Variants in KIF26B observed in about 807,000 individuals in gnomAD.
KIF26B encodes kinesin family member 26B, also known as kinesin-like protein KIF26B.
KIF26B carries 63 observed loss-of-function variants against 151.2 expected under a neutral mutation model. The observed-to-expected ratio is 0.42, with a 90% CI of 0.34 to 0.51. The LOEUF (loss-of-function observed/expected upper bound fraction) is 0.51, where lower values mean the gene tolerates loss of function less well. Among genes scored for constraint, KIF26B ranks in the 20% least tolerant of loss-of-function variants. KIF26B has a pLI of 0.07. For synonymous variants in KIF26B, 1,357 were observed against 1,262.1 expected (o/e 1.08, Z -1.59); for missense variants, 2,813 against 2,913.6 (o/e 0.97, Z 0.79).
At chr1:245,651,134 G>A (rs115748361) in intron 10 of KIF26B, among the ~76,000 whole-genome samples, 1 of 152,326 alleles carries the variant, frequency 6.6e-6, no homozygotes, top group Non-Finnish European at 1.5e-5. Flanking sequence ...CCCATCCTCA[G>A]GGGCTATAAT....
intron 2 of KIF26B, among the ~76,000 whole-genome samples, chr1:245,249,489 ATTTTTTT>A (rs60378504): frequency 1.3e-5 from 1 of 79,808 alleles, no homozygotes; most frequent in Non-Finnish European, 2.5e-5. Flanking sequence ...GTGTTAATCT[ATTTTTTT>A]TTTTTTTTTT....
At chr1:245,365,518 C>A (rs552897885) in intron 2 of KIF26B, among the ~76,000 whole-genome samples, 1 of 151,092 alleles carries the variant, frequency 6.6e-6, no homozygotes, top group Non-Finnish European at 1.5e-5. Context: ...ACAACTCCCC[C>A]CCACCAGCCT....
chr1:245,442,085 C>T (rs1659118717), intron 4 of KIF26B, among the ~76,000 whole-genome samples: 1 of 152,206 alleles, frequency 6.6e-6, no homozygotes, highest in Non-Finnish European at 1.5e-5. Flanking sequence ...TAGGGTATTT[C>T]ATTAATCCTG....
chr1:245,339,116 T>C (rs1243289891), intron 2 of KIF26B, among the ~76,000 whole-genome samples: 1 of 152,116 alleles, frequency 6.6e-6, no homozygotes, highest in Non-Finnish European at 1.5e-5. Context: ...TAGCTAGGAT[T>C]ACAGGCCTGT....
Position 245,155,096 on chromosome 1 carries a change from G to C in KIF26B, c.-329G>C. The C allele has an allele frequency of 2.0e-6, 1 of 498,472 alleles. No homozygotes were observed. Among genetic ancestry groups the C allele is most frequent in the Non-Finnish European group, 3.5e-6 (1 of 288,994 alleles). 30.9% of individuals were successfully genotyped at this position (498,472 alleles called of 1,614,324 possible). ...ATTGTATCCCTCGCTTTCCTCGTGG[G>C]GGAGCACGGACTGACTTGGCTGAAG... On this transcript the variant is annotated 5_prime_UTR_variant, in exon 1 of 15. Transcript: ENST00000407071.
intron 5 of KIF26B, among the ~76,000 whole-genome samples, chr1:245,541,535 T>C (rs375017271): frequency 6.6e-6 from 1 of 152,244 alleles, no homozygotes; most frequent in Non-Finnish European, 1.5e-5. Flanking sequence ...TTTTTAAATG[T>C]CATTTCTAAA....
chr1:245,479,941 C>A (rs1386119045), intron 4 of KIF26B, among the ~76,000 whole-genome samples: 1 of 151,716 alleles, frequency 6.6e-6, no homozygotes, highest in African/African-American at 2.4e-5. Flanking sequence ...GACAAATTTC[C>A]ACTTAAATAA....
intron 4 of KIF26B, among the ~76,000 whole-genome samples, chr1:245,525,373 C>T (rs947140356): frequency 2.0e-5 from 3 of 152,080 alleles, no homozygotes; most frequent in African/African-American, 7.2e-5. Context: ...CAGCATTGAA[C>T]GACTCAGTGT....
At chr1:245,568,184 C>CAAAAAAAAAA (rs61494632) in intron 5 of KIF26B, among the ~76,000 whole-genome samples, 8 of 28,704 alleles carry the variant, frequency 2.8e-4, no homozygotes, top group African/African-American at 9.3e-4. Flanking sequence ...AACTCCATCT[C>CAAAAAAAAAA]AAAAAAAAAA....
At chr1:245,620,018 T>C (rs1407184505) in intron 9 of KIF26B, among the ~76,000 whole-genome samples, 7 of 151,808 alleles carry the variant, frequency 4.6e-5, no homozygotes, top group Admixed American at 4.6e-4. Context: ...CGTAAGCAGA[T>C]GGTATTAGGT....
intron 2 of KIF26B, among the ~76,000 whole-genome samples, chr1:245,182,613 T>C (rs886084366): frequency 2.6e-5 from 4 of 152,192 alleles, no homozygotes; most frequent in African/African-American, 7.2e-5. Flanking sequence ...GTAGTTGATA[T>C]GGCAATTCTA....
chr1:245,321,148 A>G (rs905565860), intron 2 of KIF26B, among the ~76,000 whole-genome samples: 3 of 152,092 alleles, frequency 2.0e-5, no homozygotes, highest in Non-Finnish European at 2.9e-5. Flanking sequence ...TTCTCTCTCT[A>G]TTCATCCTTC....
intron 4 of KIF26B, among the ~76,000 whole-genome samples, chr1:245,478,676 A>G (rs1660096528): frequency 6.6e-6 from 1 of 151,466 alleles, no homozygotes. Context: ...CGGCCTCCCA[A>G]AGTGCTGGGA....
chr1:245,665,241 T>C (rs1558258996), intron 10 of KIF26B, among the ~76,000 whole-genome samples: 2 of 152,238 alleles, frequency 1.3e-5, no homozygotes, highest in African/African-American at 2.4e-5. Flanking sequence ...GCTGAGCTTT[T>C]TGTGTTTCAT....
At chr1:245,673,934 C>T (rs1295117097) in intron 10 of KIF26B, 1 of 152,210 alleles carries the variant, frequency 6.6e-6, no homozygotes, top group Non-Finnish European at 1.5e-5. Flanking sequence ...AAGAAAAAAT[C>T]AAGGGAGAGC....
At chr1:245,576,049 G>A (rs774316281) in intron 5 of KIF26B, among the ~76,000 whole-genome samples, 4 of 152,148 alleles carry the variant, frequency 2.6e-5, no homozygotes, top group Non-Finnish European at 5.9e-5. Flanking sequence ...CAGTGTCTAA[G>A]CATCAGGCTC....
At chr1:245,557,206 A>C (rs1290774198) in intron 5 of KIF26B, among the ~76,000 whole-genome samples, 1 of 152,256 alleles carries the variant, frequency 6.6e-6, no homozygotes, top group African/African-American at 2.4e-5. Flanking sequence ...AAGTTGGATA[A>C]TATCAGCAGT....
At chr1:245,425,476 G>A (rs1490872579) in intron 4 of KIF26B, among the ~76,000 whole-genome samples, 2 of 151,994 alleles carry the variant, frequency 1.3e-5, no homozygotes, top group South Asian at 2.1e-4. Flanking sequence ...GTGCAATCTC[G>A]GCTCACTGCA....
chr1:245,507,687 G>A (rs558080701), intron 4 of KIF26B, among the ~76,000 whole-genome samples: 5 of 152,306 alleles, frequency 3.3e-5, no homozygotes. Context: ...GATTGCTGGT[G>A]AACATGAGAG....
Sources: allele counts gnomAD v4.1 joint callset (sites outside exome capture counted in the v4.1 genomes callset), GRCh38; gene constraint gnomAD v4.1.1; transcripts MANE v1.5; gene names NCBI Gene and HGNC (gene_info 2026-07-23, HGNC 2026-07-21).